DNAH11: variants seen among roughly 807,000 people sequenced by gnomAD.
DNAH11 encodes the protein axonemal beta dynein heavy chain 11.
DNAH11 carries 442 observed loss-of-function variants against 526.0 expected under a neutral mutation model. The ratio of observed to expected loss-of-function variants is 0.84; its 90% CI spans 0.78 to 0.91. The LOEUF (loss-of-function observed/expected upper bound fraction) is 0.91. DNAH11 is among the 40% of genes least tolerant of loss of function. DNAH11 has a pLI of 0.00. For missense variants in DNAH11, 6,989 were observed against 5,448.7 expected, an observed-to-expected ratio of 1.28 and a Z score of -8.90; for synonymous variants, 2,461 against 1,935.9, an observed-to-expected ratio of 1.27 and a Z score of -7.12.
intron 48 of DNAH11, among the ~76,000 whole-genome samples, chr7:21,741,625 GACA>G (rs1785902623): frequency 6.6e-6 from 1 of 152,162 alleles, no homozygotes; most frequent in African/African-American, 2.4e-5. Flanking sequence ...GAGTGACTGT[GACA>G]ACATGACCCT....
chr7:21,705,943 T>A (rs988048812), intron 39 of DNAH11, among the ~76,000 whole-genome samples: 1 of 152,186 alleles, frequency 6.6e-6, no homozygotes, highest in Non-Finnish European at 1.5e-5. Context: ...GGCTGGAAGA[T>A]TGGATTGGCT....
intron 57 of DNAH11, among the ~76,000 whole-genome samples, chr7:21,779,456 C>G (rs952912580): frequency 6.6e-6 from 1 of 152,136 alleles, no homozygotes; most frequent in Non-Finnish European, 1.5e-5. Context: ...GCAAATTGAA[C>G]AACTCAATTG....
At chr7:21,867,043 A>T (rs1783308703) in intron 71 of DNAH11, among the ~76,000 whole-genome samples, 1 of 152,204 alleles carries the variant, frequency 6.6e-6, no homozygotes, top group Admixed American at 6.5e-5. Flanking sequence ...AAGATTTTGC[A>T]TGTCAAACAA....
chr7:21,601,448 GAA>G lies in DNAH11; in HGVS notation c.3479_3480del (p.Glu1160ValfsTer3). 1 of 1,613,714 alleles carries G rather than the reference GAA, an allele frequency of 6.2e-7. No homozygotes were observed. The highest frequency in any genetic ancestry group is 8.5e-7 in the Non-Finnish European group (1 of 1,179,798). On this transcript the variant is annotated frameshift_variant, in exon 18 of 82. Coordinates refer to ENST00000409508, the MANE Select transcript of DNAH11 (RefSeq NM_001277115.2). LOFTEE classifies it high-confidence loss of function. ...GGAGACAGATTCCGGACTTCAGAGA[GAA>G]TTAAATGAAGGTGATCATGATGGTT... is the stretch of plus-strand genomic sequence containing the variant. ...IKETDSGLQRELNEGDHDGLV... is the reference protein window; with the variant it reads ...IKETDSGLQRXLNEGDHDGLV...
In DNAH11 at chr7:21,725,832, T is replaced by C. The variant is rs890895971; in HGVS notation, c.7288T>C (p.Phe2430Leu). Reference sequence around the variant, plus strand: ...TTAGATTTCTGATTATCAAGCTGACTTCAGTCGGTGGTGGCAGAAAGAGAT... The same window carrying C: ...TTAGATTTCTGATTATCAAGCTGACCTCAGTCGGTGGTGGCAGAAAGAGAT... ...QDQISDYQAD[F>L]SRWWQKEMKA... The change falls in exon 45 of 82, where the codon TTC becomes CTC. Residue 2430 changes from phenylalanine to leucine, a missense_variant. Transcript: ENST00000409508. 6.2e-7 allele frequency: 1 copy of C among 1,612,060 alleles called. No homozygotes were observed. The highest frequency in any genetic ancestry group is 8.5e-7 in the Non-Finnish European group (1 of 1,179,022).
chr7:21,645,400 A>G (rs1206654779), intron 28 of DNAH11, among the ~76,000 whole-genome samples: 1 of 152,208 alleles, frequency 6.6e-6, no homozygotes, highest in Non-Finnish European at 1.5e-5. Flanking sequence ...TTTAAAGAGT[A>G]TTGAAGAATA....
Position 21,705,487 on chromosome 7 carries a change from G to T in DNAH11, c.6496G>T (p.Val2166Leu). 6.2e-7 allele frequency: 1 copy of T among 1,613,762 alleles called. No homozygotes were observed. ...KVVQLEELLA[V>L]RHSVFVVGNA... ...TGTCCAGCTTGAGGAACTGTTGGCTGTGCGGCACTCGGTCTTTGTAGTTGG... is the reference window on the plus strand; with the variant it reads ...TGTCCAGCTTGAGGAACTGTTGGCTTTGCGGCACTCGGTCTTTGTAGTTGG... The change falls in exon 39 of 82, where the codon GTG (valine) becomes TTG (leucine). Residue 2166 changes from valine to leucine, a missense_variant. Physicochemically the swap from Val to Leu is conservative, Grantham distance 32. Transcript: ENST00000409508.
At chr7:21,693,998 A>G (rs2128475856) in intron 35 of DNAH11, among the ~76,000 whole-genome samples, 1 of 152,184 alleles carries the variant, frequency 6.6e-6, no homozygotes, top group South Asian at 2.1e-4. Context: ...ATCGTATCTC[A>G]TGAGAACTCA....
At chr7:21,679,774 A>G (rs1039117453) in intron 30 of DNAH11, among the ~76,000 whole-genome samples, 2 of 151,980 alleles carry the variant, frequency 1.3e-5, no homozygotes, top group African/African-American at 4.8e-5. Flanking sequence ...TGGGATTTGA[A>G]TTTCTCCTCC....
chr7:21,821,784 T>A (rs1334171238), intron 65 of DNAH11, among the ~76,000 whole-genome samples: 1 of 152,106 alleles, frequency 6.6e-6, no homozygotes, highest in Non-Finnish European at 1.5e-5. Flanking sequence ...CCTACTATTC[T>A]ATTGAATACT....
chr7:21,784,198 C>A (rs572233270), intron 57 of DNAH11, among the ~76,000 whole-genome samples: 7 of 152,262 alleles, frequency 4.6e-5, no homozygotes, highest in African/African-American at 1.7e-4. Flanking sequence ...CATTTTGGAA[C>A]TTGAATCCAT....
At chr7:21,845,208 A>C (rs1022601123) in intron 66 of DNAH11, among the ~76,000 whole-genome samples, 4 of 152,156 alleles carry the variant, frequency 2.6e-5, no homozygotes, top group Admixed American at 2.0e-4. Flanking sequence ...CCTTTGAAGC[A>C]CAAAAGTTTT....
At chr7:21,554,958 TCTAACCCTCCTG>T (rs2128429047) in intron 2 of DNAH11, among the ~76,000 whole-genome samples, 1 of 152,342 alleles carries the variant, frequency 6.6e-6, no homozygotes, top group African/African-American at 2.4e-5. Context: ...TCTTTCTTCC[TCTAACCCTCCTG>T]CTGCCCCTTG....
Position 21,901,058 on chromosome 7 carries a change from A to T in DNAH11, c.13355A>T (p.Glu4452Val), listed in dbSNP as rs756077441. The stretch of plus-strand genomic sequence containing the variant: ...ACCATTGTTGAAGCCCGTCTCAAGG[A>T]GCTGGCATGCCCTATGCCGGTCATC... ...AGTIVEARLKELACPMPVIFA... is the reference protein window; with the variant it reads ...AGTIVEARLKVLACPMPVIFA... The change falls in exon 82 of 82, where the codon GAG becomes GTG. Residue 4452 changes from glutamate to valine, a missense_variant. Coordinates refer to ENST00000409508, the MANE Select transcript of DNAH11 (RefSeq NM_001277115.2). 5.0e-6 allele frequency: 8 copies of T among 1,613,696 alleles called. No homozygotes were observed. The Middle Eastern group carries it at 1.2e-3, about 233-fold the overall frequency.
At chr7:21,561,742 C>T (rs577352543) in intron 5 of DNAH11, among the ~76,000 whole-genome samples, 1 of 152,272 alleles carries the variant, frequency 6.6e-6, no homozygotes, top group Non-Finnish European at 1.5e-5. Flanking sequence ...TTCAGCCCCA[C>T]CCAAAGATGA....
intron 54 of DNAH11, among the ~76,000 whole-genome samples, chr7:21,753,102 G>A (rs1001751541): frequency 6.6e-6 from 1 of 152,190 alleles, no homozygotes; most frequent in African/African-American, 2.4e-5. Context: ...GACTGGCTCA[G>A]TATTACCCTT....
intron 20 of DNAH11, among the ~76,000 whole-genome samples, chr7:21,611,340 C>T (rs1583527068): frequency 6.6e-6 from 1 of 152,140 alleles, no homozygotes; most frequent in Non-Finnish European, 1.5e-5. Flanking sequence ...TATCAGCTTT[C>T]CTGGTTCTGA....
Position 21,636,049 on chromosome 7 carries a change from T to C in DNAH11, c.4679T>C (p.Leu1560Pro). Residue 1560 changes from leucine to proline, a missense_variant, in exon 26 of 82, where the codon CTT becomes CCT. Coordinates refer to ENST00000409508, the MANE Select transcript of DNAH11 (RefSeq NM_001277115.2). ...FVCSEDIRIQLVKDARRFDGV... is the reference protein window; with the variant it reads ...FVCSEDIRIQPVKDARRFDGV... ...TGTTCAGAAGATATTCGAATCCAGC[T>C]TGTGAAAGATGCTAGAAGATTTGAT... 1 of 1,613,530 alleles carries C rather than the reference T, an allele frequency of 6.2e-7. No homozygotes were observed. Among genetic ancestry groups the C allele is most frequent in the Non-Finnish European group, 8.5e-7 (1 of 1,179,674 alleles).
intron 33 of DNAH11, 46 bp from the exon 34 acceptor site, chr7:21,687,336 A>G (rs1379412014): frequency 6.3e-7 from 1 of 1,580,300 alleles, no homozygotes; most frequent in Admixed American, 1.8e-5. Flanking sequence ...ATAATAGCGT[A>G]AAAACCCCTT....
Sources: allele counts gnomAD v4.1 joint callset (sites outside exome capture counted in the v4.1 genomes callset), GRCh38; gene constraint gnomAD v4.1.1; transcripts MANE v1.5; gene names NCBI Gene and HGNC (gene_info 2026-07-23, HGNC 2026-07-21).